BIRC6: variants seen among roughly 807,000 people sequenced by gnomAD.
BIRC6 encodes dual E2 ubiquitin-conjugating enzyme/E3 ubiquitin-protein ligase BIRC6.
A neutral mutation model predicts 503.3 loss-of-function variants in BIRC6; 98 were observed. The observed-to-expected ratio is 0.19, with a 90% confidence interval of 0.17 to 0.23. The LOEUF (loss-of-function observed/expected upper bound fraction) is 0.23, where lower values mean the gene tolerates loss of function less well. BIRC6 is among the 10% of genes least tolerant of loss of function. BIRC6 has a pLI of 1.00. For missense variants in BIRC6, 5,360 were observed against 5,806.0 expected (o/e 0.92, Z 2.50); for synonymous variants, 2,240 against 2,078.7 (o/e 1.08, Z -2.11).
At chr2:32,369,942 AAAAATAT>A (rs1160702526) in intron 1 of BIRC6, among the ~76,000 whole-genome samples, 134 of 34,184 alleles carry the variant, frequency 3.9e-3, no homozygotes, top group African/African-American at 0.018. Context: ...AAAAAAAAAA[AAAAATAT>A]ATATATATAT....
At chr2:32,610,832 GA>G (rs1311249037) in intron 72 of BIRC6, among the ~76,000 whole-genome samples, 1 of 151,750 alleles carries the variant, frequency 6.6e-6, no homozygotes, top group Admixed American at 6.6e-5. Flanking sequence ...GCAGTGGCGG[GA>G]TCTCAGTTCA....
intron 33 of BIRC6, 39 bp from the exon 34 acceptor site, chr2:32,476,174 A>G (rs2049743455): frequency 1.3e-6 from 2 of 1,481,908 alleles, no homozygotes; most frequent in African/African-American, 1.4e-5. Flanking sequence ...TTTGTTTTTA[A>G]CGTTGTTAAA....
intron 70 of BIRC6, chr2:32,602,465 G>A (rs2062129788): frequency 6.6e-6 from 1 of 152,218 alleles, no homozygotes; most frequent in Admixed American, 6.5e-5. Flanking sequence ...GGAGAGGTTG[G>A]TTAATGGATA....
rs766001501 is a variant in BIRC6, at chr2:32,603,071, A to C, written c.14058A>C (p.Ser4686=). 2 of 1,609,964 alleles carry C rather than the reference A, an allele frequency of 1.2e-6. No individual in the cohort carries two copies. Among genetic ancestry groups the C allele is most frequent in the South Asian group, 1.1e-5 (1 of 89,976 alleles). ...AAGAGAAGTGGAATCCTCAGACCTCAAGCTTTTTGCAAGTAAACAAAATTT... is the reference window on the plus strand; with the variant it reads ...AAGAGAAGTGGAATCCTCAGACCTCCAGCTTTTTGCAAGTAAACAAAATTT... ...RPEEKWNPQT[S]SFLQVLVSVQ... is the part of the protein sequence containing the mutation. The change falls in exon 71 of 74, where the codon TCA becomes TCC. Residue 4686 remains serine (S), a synonymous_variant. Transcript: ENST00000421745.
At chr2:32,440,751 T>TTTTTTATTATTATTATTATTATTATTA (rs773312894) in intron 16 of BIRC6, among the ~76,000 whole-genome samples, 1,941 of 147,164 alleles carry the variant, frequency 0.013, 20 homozygotes, top group Non-Finnish European at 0.018. Flanking sequence ...TGTTTATTTA[T>TTTTTTATTATTATTATTATTATTATTA]TTATTATTAT....
At chr2:32,360,902 G>A (rs1037587598) in intron 1 of BIRC6, among the ~76,000 whole-genome samples, 2 of 151,692 alleles carry the variant, frequency 1.3e-5, no homozygotes, top group African/African-American at 2.4e-5. Context: ...GTGTATGTGT[G>A]TGTGTATGTA....
Position 32,618,058 on chromosome 2 carries a change from T to G in BIRC6, c.*154T>G. 1.3e-6 allele frequency: 1 copy of G among 755,768 alleles called. No homozygotes were observed. The highest frequency in any genetic ancestry group is 2.7e-5 in the East Asian group (1 of 36,496). The allele number at this position is 755,768 out of a possible 1,614,324, so 46.8% of individuals were successfully genotyped here. On this transcript the variant is annotated 3_prime_UTR_variant, in exon 74 of 74. Coordinates refer to ENST00000421745, the MANE Select transcript of BIRC6 (RefSeq NM_016252.4). Reference sequence around the variant, plus strand: ...ATCCAGTTTAATTCAAGGTGATCTTTTATTTACCTGTACAGGAGTGTAAAC... The same window carrying G: ...ATCCAGTTTAATTCAAGGTGATCTTGTATTTACCTGTACAGGAGTGTAAAC...
intron 10 of BIRC6, among the ~76,000 whole-genome samples, chr2:32,427,275 T>G (rs1574128482): frequency 6.8e-6 from 1 of 147,442 alleles, no homozygotes; most frequent in Non-Finnish European, 1.5e-5. Context: ...TTCTTTTAAT[T>G]TTTATTTTAT....
intron 33 of BIRC6, among the ~76,000 whole-genome samples, chr2:32,474,168 T>C (rs1316297549): frequency 6.6e-6 from 1 of 152,152 alleles, no homozygotes; most frequent in Non-Finnish European, 1.5e-5. Context: ...TTGTTTTTTA[T>C]ATTTAAAAAA....
At position 32,501,756 on chromosome 2, in the gene BIRC6, T is replaced by C; in HGVS notation, c.9075T>C (p.Gly3025=). ...LHLTKHENFH[G]GLDAISVGDG... ...TCACTAAACATGAAAACTTTCATGG[T>C]GGGTTGGATGCCATATCAGTTGGGG... The change falls in exon 47 of 74, where the codon GGT becomes GGC. Residue 3025 remains glycine, a synonymous_variant. Coordinates refer to ENST00000421745, the MANE Select transcript of BIRC6 (RefSeq NM_016252.4). 1 of 1,612,900 alleles carries C rather than the reference T, an allele frequency of 6.2e-7. No individual in the cohort carries two copies. Among genetic ancestry groups the C allele is most frequent in the Non-Finnish European group, 8.5e-7 (1 of 1,179,654 alleles).
At chr2:32,550,766 T>C (rs1469387411) in intron 65 of BIRC6, among the ~76,000 whole-genome samples, 2 of 152,168 alleles carry the variant, frequency 1.3e-5, no homozygotes, top group Non-Finnish European at 2.9e-5. Context: ...AAATCCAGGA[T>C]TATTTACATA....
intron 1 of BIRC6, among the ~76,000 whole-genome samples, chr2:32,377,213 A>ATGTGTGTGTGTGTG (rs59912267): frequency 1.4e-4 from 20 of 144,258 alleles, no homozygotes; most frequent in African/African-American, 4.9e-4. Context: ...CTTAATATAT[A>ATGTGTGTGTGTGTG]TGTGTGTGTG....
chr2:32,521,961 A>C (rs1414351699), intron 57 of BIRC6: 1 of 151,970 alleles, frequency 6.6e-6, no homozygotes, highest in Non-Finnish European at 1.5e-5. Context: ...AAATTTCGAA[A>C]TATTTTGGCA....
At chr2:32,581,886 G>A (rs1324447794) in intron 66 of BIRC6, among the ~76,000 whole-genome samples, 3 of 152,006 alleles carry the variant, frequency 2.0e-5, no homozygotes, top group Non-Finnish European at 2.9e-5. Flanking sequence ...ATTTTGAGAC[G>A]GAGTCTTACT....
rs754908407 is a variant in BIRC6 at position 32,525,519 on chromosome 2, C to G, written c.11811C>G (p.Ser3937=). The G allele has an allele frequency of 4.3e-6, 7 of 1,613,778 alleles. No homozygotes were observed. Among genetic ancestry groups the G allele is most frequent in the Non-Finnish European group, 5.9e-6 (7 of 1,179,850 alleles). Residue 3937 remains serine (S), a synonymous_variant, in exon 59 of 74, where the codon TCC becomes TCG. Transcript: ENST00000421745. The part of the protein sequence containing the change: ...AVSATPPRPP[S]RRGRTIPDKI... The stretch of plus-strand genomic sequence containing the variant: ...CAGCTACACCACCTCGCCCACCATC[C>G]AGGAGGGGGAGGACAATACCTGATA...
intron 63 of BIRC6, 49 bp downstream of exon 63, chr2:32,545,909 TAGGG>T: frequency 6.6e-7 from 1 of 1,511,938 alleles, no homozygotes; most frequent in Non-Finnish European, 9.1e-7. Flanking sequence ...TAGATTTAAT[TAGGG>T]AGTACAGAAT....
chr2:32,482,626 C>T lies in BIRC6; in HGVS notation c.7696+44C>T, dbSNP rs903435688. ...TTTAAGACATATGCTATTCTTAAAA[C>T]AAGTCTGTCATTTATGTATACTTTG... On this transcript the variant is annotated intron_variant, in intron 39 of 73. Transcript: ENST00000421745. 4.4e-6 allele frequency: 7 copies of T among 1,599,248 alleles called. No homozygotes were observed. In the Admixed American group the frequency reaches 6.8e-5, roughly 15 times the overall value.
Position 32,388,802 on chromosome 2 carries a change from G to C in BIRC6, c.698G>C (p.Ser233Thr). Residue 233 changes from serine (S) to threonine (T), a missense_variant, in exon 4 of 74, where the codon AGT (serine) becomes ACT (threonine). Around this residue, in one of 16 missense-constraint regions of BIRC6, gnomAD observed 134 missense variants for 150.9 expected, o/e 0.89. Coordinates refer to ENST00000421745, the MANE Select transcript of BIRC6 (RefSeq NM_016252.4). ...CATCATGTGTTGAAGTCCATTGCCA[G>C]TGCCATTGTAAATGAACTCAAGAAA... ...LPHHVLKSIA[S>T]AIVNELKKIN... 1 of 1,612,926 alleles carries C rather than the reference G, an allele frequency of 6.2e-7. No homozygotes were observed. Among genetic ancestry groups the C allele is most frequent in the Non-Finnish European group, 8.5e-7 (1 of 1,179,500 alleles).
At chr2:32,607,671 T>C in intron 72 of BIRC6, 28 bp downstream of exon 72, 2 of 1,562,114 alleles carry the variant, frequency 1.3e-6, no homozygotes, top group Non-Finnish European at 8.7e-7. Flanking sequence ...AGTGAAATAC[T>C]TTGTTAAAGA....
Sources: allele counts gnomAD v4.1 joint callset (sites outside exome capture counted in the v4.1 genomes callset), GRCh38; gene constraint gnomAD v4.1.1; regional missense constraint gnomAD v4.1.1; transcripts MANE v1.5; gene names NCBI Gene and HGNC (gene_info 2026-07-23, HGNC 2026-07-21).